KIF5A: variants seen among roughly 807,000 people sequenced by gnomAD.
The protein encoded by KIF5A is kinesin family member 5A.
A neutral mutation model predicts 141.3 loss-of-function variants in KIF5A; 35 were observed. The ratio of observed to expected loss-of-function variants is 0.25; its 90% CI spans 0.19 to 0.33. KIF5A has a LOEUF of 0.33. Among genes scored for constraint, KIF5A ranks in the 10% least tolerant of loss-of-function variants. KIF5A has a pLI of 1.00. For missense variants in KIF5A, 861 were observed against 1,314.3 expected, an observed-to-expected ratio of 0.66 and a Z score of 5.33; for synonymous variants, 448 against 500.2, an observed-to-expected ratio of 0.90 and a Z score of 1.39.
At chr12:57,561,182 G>A (rs1047008778) in intron 1 of KIF5A, among the ~76,000 whole-genome samples, 2 of 152,012 alleles carry the variant, frequency 1.3e-5, no homozygotes, top group Non-Finnish European at 2.9e-5. Flanking sequence ...TGGAATTACA[G>A]GTGTGCACCA....
chr12:57,560,838 C>CA (rs755139829), intron 1 of KIF5A, among the ~76,000 whole-genome samples: 36 of 151,988 alleles, frequency 2.4e-4, no homozygotes, highest in Non-Finnish European at 3.7e-4. Flanking sequence ...TCTGCCTCTA[C>CA]AAAAAATAAA....
intron 16 of KIF5A, 111 bp downstream of exon 16, chr12:57,575,383 G>T: frequency 7.9e-7 from 1 of 1,265,692 alleles, no homozygotes; most frequent in Non-Finnish European, 1.1e-6. Context: ...CTGGGGTCAA[G>T]TGAAATCAAG....
In KIF5A at chr12:57,550,389, G is replaced by A. The variant is rs1565690660; in HGVS notation, c.118G>A (p.Val40Ile). The stretch of plus-strand genomic sequence containing the variant: ...CCCCATTTTCCAAGGGGACGACAGC[G>A]TCGTTATTGGGGTGAGTGTCGCCCA... ...FIPIFQGDDS[V>I]VIGGKPYVFD... The change falls in exon 1 of 29, where the codon GTC (valine) becomes ATC (isoleucine). Residue 40 changes from valine to isoleucine, a missense_variant. Physicochemically the swap from Val to Ile is conservative, Grantham distance 29. Transcript: ENST00000455537. The surrounding 1 kb of genome is among the most constrained non-coding windows in gnomAD (Gnocchi z 4.6). The A allele has an allele frequency of 9.3e-6, 15 of 1,614,186 alleles. No individual in the cohort carries two copies. Among genetic ancestry groups the A allele is most frequent in the Non-Finnish European group, 1.1e-5 (13 of 1,180,032 alleles).
At chr12:57,580,584 A>G (rs1441854296) in intron 23 of KIF5A, among the ~76,000 whole-genome samples, 2 of 152,092 alleles carry the variant, frequency 1.3e-5, no homozygotes, top group Non-Finnish European at 2.9e-5. Context: ...CCTCATCCCC[A>G]TGGCCGCCCT....
intron 21 of KIF5A, 113 bp from the exon 22 acceptor site, chr12:57,577,896 T>C: frequency 8.0e-7 from 1 of 1,247,596 alleles, no homozygotes; most frequent in East Asian, 2.3e-5. Context: ...ACACATTTTT[T>C]CCTAAAGGAT....
rs113968819 is a variant in KIF5A, at chr12:57,562,692, C to T, written c.130-747C>T. Among the ~76,000 whole-genome samples the T allele has an allele frequency of 8.3e-4, 126 of 152,324 alleles. 1 individual carries two copies. The highest frequency in any genetic ancestry group is 1.5e-3 in the Non-Finnish European group (101 of 68,034). ...ACATGCTATAAATATATGTCACTAA[C>T]TTTGCATCTTTCACTTAGTACATCT... is the stretch of plus-strand genomic sequence containing the variant. On this transcript the variant is annotated intron_variant, in intron 1 of 28. Transcript: ENST00000455537.
chr12:57,575,130 G>T lies in KIF5A; in HGVS notation c.1763G>T (p.Arg588Leu). 1 of 1,614,020 alleles carries T rather than the reference G, an allele frequency of 6.2e-7. No homozygotes were observed. The highest frequency in any genetic ancestry group is 8.5e-7 in the Non-Finnish European group (1 of 1,179,990). ...ATCGAGGAGGAGTTCACTGTGGCCCGACTCTACATCAGCAAAATCAAATCA... is the reference window on the plus strand; with the variant it reads ...ATCGAGGAGGAGTTCACTGTGGCCCTACTCTACATCAGCAAAATCAAATCA... ...GAIEEEFTVA[R>L]LYISKIKSEV... Residue 588 changes from arginine to leucine, a missense_variant, in exon 16 of 29, where the codon CGA becomes CTA. Transcript: ENST00000455537.
At chr12:57,577,887 C>T in intron 21 of KIF5A, 114 bp downstream of exon 21, 1 of 1,251,908 alleles carries the variant, frequency 8.0e-7, no homozygotes, top group East Asian at 2.3e-5. Context: ...GTAATCAAGA[C>T]ACATTTTTTC....
chr12:57,573,335 G>C (rs1882313513), intron 15 of KIF5A, among the ~76,000 whole-genome samples: 1 of 152,100 alleles, frequency 6.6e-6, no homozygotes, highest in African/African-American at 2.4e-5. Flanking sequence ...TTCACGACCA[G>C]CCTGGGTGAC....
rs1882417918 is a variant in KIF5A at position 57,576,168 on chromosome 12, T to A, written c.2088+17T>A. On this transcript the variant is annotated intron_variant, in intron 18 of 28. Coordinates refer to ENST00000455537, the MANE Select transcript of KIF5A (RefSeq NM_004984.4). ...GAAGTGAAGGTGAGTAAGGAAGGTGTCAGGGACAATTGGGGCCTGGTGTGG... is the reference window on the plus strand; with the variant it reads ...GAAGTGAAGGTGAGTAAGGAAGGTGACAGGGACAATTGGGGCCTGGTGTGG... 11 of 1,613,662 alleles carry A rather than the reference T, an allele frequency of 6.8e-6. No homozygotes were observed. The South Asian group carries it at 8.8e-5, about 13-fold the overall frequency.
In KIF5A at chr12:57,572,251, A is replaced by T; in HGVS notation, c.1553A>T (p.Glu518Val). 1 of 1,596,246 alleles carries T rather than the reference A, an allele frequency of 6.3e-7. No individual in the cohort carries two copies. Among genetic ancestry groups the T allele is most frequent in the Non-Finnish European group, 8.5e-7 (1 of 1,171,108 alleles). ...CAGCAGAACCAGCTTCTGGTGGATGAGCTGTCTCAGAAGGTGGTAAGTGGT... is the reference window on the plus strand; with the variant it reads ...CAGCAGAACCAGCTTCTGGTGGATGTGCTGTCTCAGAAGGTGGTAAGTGGT... The part of the protein sequence containing the change: ...KSQQNQLLVD[E>V]LSQKVATMLS... The change falls in exon 14 of 29, where the codon GAG (glutamate) becomes GTG (valine). Residue 518 changes from glutamate (E) to valine (V), a missense_variant. This residue lies in a region of KIF5A where 482 missense variants were observed against 661.3 expected (regional missense o/e 0.73). Transcript: ENST00000455537. This position sits in a 1 kb window ranked among gnomAD's most constrained non-coding sequence, Gnocchi z 4.2.
At chr12:57,583,304 T>C in intron 28 of KIF5A, 89 bp downstream of exon 28, 2 of 744,648 alleles carry the variant, frequency 2.7e-6, no homozygotes, top group Non-Finnish European at 4.6e-6. Flanking sequence ...TGCTTCTTTT[T>C]TTTTTTATCA....
chr12:57,574,936 T>G, intron 15 of KIF5A, 148 bp from the exon 16 acceptor site: 1 of 720,010 alleles, frequency 1.4e-6, no homozygotes, highest in South Asian at 1.6e-5. Flanking sequence ...ATGCCGCTGA[T>G]AGAGAGCTGC....
At chr12:57,558,905 A>G (rs1402829990) in intron 1 of KIF5A, among the ~76,000 whole-genome samples, 1 of 152,044 alleles carries the variant, frequency 6.6e-6, no homozygotes, top group East Asian at 1.9e-4. Context: ...CCTGCTGAGT[A>G]GCTGGGACCA....
intron 1 of KIF5A, among the ~76,000 whole-genome samples, chr12:57,558,978 A>G (rs1176076495): frequency 1.3e-5 from 2 of 151,890 alleles, no homozygotes; most frequent in Non-Finnish European, 2.9e-5. Context: ...GGGTCTCCCT[A>G]TGTTGCCCAG....
At chr12:57,576,231 G>C (rs763075012) in intron 18 of KIF5A, 38 bp from the exon 19 acceptor site, 1 of 1,611,654 alleles carries the variant, frequency 6.2e-7, no homozygotes, top group Non-Finnish European at 8.5e-7. Flanking sequence ...TTGTTGCTGG[G>C]AGTCTGGCCT....
At position 57,567,204 on chromosome 12, in the gene KIF5A, G is replaced by T; in HGVS notation, c.580G>T (p.Ala194Ser). ...TGAAGGGAAATCAAATCGTCATGTG[G>T]CTGTCACCAGTGAGTGAGGATACAA... ...IDEGKSNRHVAVTNMNEHSSR... is the reference protein window; with the variant it reads ...IDEGKSNRHVSVTNMNEHSSR... Residue 194 changes from alanine to serine, a missense_variant, in exon 7 of 29, where the codon GCT becomes TCT. Physicochemically the swap from Ala to Ser is moderately conservative, Grantham distance 99. This residue lies in a region of KIF5A where 146 missense variants were observed against 353.4 expected (regional missense o/e 0.41). Coordinates refer to ENST00000455537, the MANE Select transcript of KIF5A (RefSeq NM_004984.4). The T allele has an allele frequency of 1.2e-6, 2 of 1,611,442 alleles. No individual in the cohort carries two copies. The highest frequency in any genetic ancestry group is 1.7e-6 in the Non-Finnish European group (2 of 1,177,838).
rs1417164425 is a variant in KIF5A at position 57,575,133 on chromosome 12, T to C, written c.1766T>C (p.Leu589Pro). The C allele has an allele frequency of 1.2e-6, 2 of 1,613,974 alleles. No homozygotes were observed. The highest frequency in any genetic ancestry group is 1.7e-6 in the Non-Finnish European group (2 of 1,180,024). ...AIEEEFTVARLYISKIKSEVK... is the reference protein window; with the variant it reads ...AIEEEFTVARPYISKIKSEVK... ...GAGGAGGAGTTCACTGTGGCCCGAC[T>C]CTACATCAGCAAAATCAAATCAGAA... Residue 589 changes from leucine (L) to proline (P), a missense_variant, in exon 16 of 29, where the codon CTC becomes CCC. Transcript: ENST00000455537.
At chr12:57,566,644 AG>A (rs1882074596) in intron 6 of KIF5A, among the ~76,000 whole-genome samples, 1 of 152,020 alleles carries the variant, frequency 6.6e-6, no homozygotes, top group Non-Finnish European at 1.5e-5. Context: ...TCCTGACCTC[AG>A]GTGATCCACC....
Sources: gnomAD v4.1 joint callset for allele counts (sites outside exome capture counted in the v4.1 genomes callset) on GRCh38, gnomAD v4.1.1 for gene constraint, gnomAD v4.1.1 regional missense constraint, Gnocchi (gnomAD v3.1) non-coding constraint, MANE v1.5 for transcripts, NCBI Gene and HGNC (gene_info 2026-07-23, HGNC 2026-07-21) for gene names.